PLPPR5: variants seen among roughly 807,000 people sequenced by gnomAD.
PLPPR5 encodes phospholipid phosphatase related 5, also known as phospholipid phosphatase-related protein type 5.
In PLPPR5, 16 loss-of-function variants were observed where a neutral mutation model predicts 33.9. That is an observed-to-expected ratio of 0.47 (90% CI 0.32 to 0.72). The LOEUF is 0.72. Ranked by LOEUF, PLPPR5 falls within the 30% of genes least tolerant of loss-of-function variation. The probability of loss-of-function intolerance (pLI) is 0.03; values close to 1 mark genes in which losing one functional copy is unlikely to be tolerated. For synonymous variants in PLPPR5, 163 were observed against 150.3 expected, an observed-to-expected ratio of 1.08 and a Z score of -0.62; for missense variants, 301 against 406.7, an observed-to-expected ratio of 0.74 and a Z score of 2.23.
At chr1:98,938,837 G>C (rs2101188450) in intron 3 of PLPPR5, among the ~76,000 whole-genome samples, 1 of 152,216 alleles carries the variant, frequency 6.6e-6, no homozygotes, top group Non-Finnish European at 1.5e-5. Flanking sequence ...AACATGGATG[G>C]AGCTGGTGGT....
intron 3 of PLPPR5, among the ~76,000 whole-genome samples, chr1:98,938,048 G>A (rs1012380955): frequency 6.6e-6 from 1 of 151,940 alleles, no homozygotes; most frequent in African/African-American, 2.4e-5. Flanking sequence ...TTCATCTGGA[G>A]AGTAAGCTCA....
At chr1:98,989,786 T>A (rs1652385727) in intron 1 of PLPPR5, among the ~76,000 whole-genome samples, 2 of 152,196 alleles carry the variant, frequency 1.3e-5, no homozygotes, top group African/African-American at 4.8e-5. Flanking sequence ...GAAGTGACTG[T>A]GAAATAACCA....
At chr1:98,919,080 C>T (rs2101157837) in intron 4 of PLPPR5, among the ~76,000 whole-genome samples, 1 of 152,200 alleles carries the variant, frequency 6.6e-6, no homozygotes, top group Admixed American at 6.5e-5. Flanking sequence ...TTGGAATATC[C>T]TTTGTAGAAA....
rs144730672 is a variant in PLPPR5, at chr1:98,964,055, C to T, written c.238-7314G>A. 4.4e-4 allele frequency among the ~76,000 whole-genome samples: 67 copies of T among 152,216 alleles called. No individual in the cohort carries two copies. The East Asian group carries it at 0.011, about 25-fold the overall frequency. ...AGGGGTTCTTAATTCTGGAATCACG[C>T]GCTACCATTTTCACTAGATTCCCAA... On this transcript the variant is annotated intron_variant, in intron 1 of 5. Transcript: ENST00000263177.
At chr1:98,991,735 G>A (rs1025024005) in intron 1 of PLPPR5, among the ~76,000 whole-genome samples, 5 of 152,216 alleles carry the variant, frequency 3.3e-5, no homozygotes, top group Non-Finnish European at 7.3e-5. Flanking sequence ...GGAAGGCGGA[G>A]CATCCCAATA....
chr1:98,946,158 T>C (rs1363642626), intron 3 of PLPPR5, among the ~76,000 whole-genome samples: 1 of 152,222 alleles, frequency 6.6e-6, no homozygotes, highest in East Asian at 1.9e-4. Context: ...AGATTCTGTG[T>C]TGATCTTCTT....
chr1:98,942,659 T>G (rs865798482), intron 3 of PLPPR5, among the ~76,000 whole-genome samples: 11 of 152,146 alleles, frequency 7.2e-5, no homozygotes, highest in African/African-American at 2.4e-4. Flanking sequence ...AAGTGATAGC[T>G]CTATCTGAAT....
At chr1:98,898,052 G>A (rs766372256) in intron 5 of PLPPR5, among the ~76,000 whole-genome samples, 6 of 152,018 alleles carry the variant, frequency 3.9e-5, no homozygotes, top group African/African-American at 1.4e-4. Context: ...CTATTCTACC[G>A]ATCTTCAATG....
At chr1:98,952,180 G>C (rs947632124) in intron 3 of PLPPR5, among the ~76,000 whole-genome samples, 2 of 151,388 alleles carry the variant, frequency 1.3e-5, no homozygotes, top group Non-Finnish European at 2.9e-5. Flanking sequence ...GGAGAATGGG[G>C]TGAACCTGGG....
At chr1:98,972,927 T>A (rs1651708073) in intron 1 of PLPPR5, among the ~76,000 whole-genome samples, 1 of 152,082 alleles carries the variant, frequency 6.6e-6, no homozygotes, top group African/African-American at 2.4e-5. Flanking sequence ...ATACTTTTTT[T>A]AAAGCTAGAC....
At chr1:98,958,070 G>A (rs1200782382) in intron 1 of PLPPR5, among the ~76,000 whole-genome samples, 4 of 152,190 alleles carry the variant, frequency 2.6e-5, no homozygotes, top group African/African-American at 9.6e-5. Context: ...CTAATACTAT[G>A]AACAACAGCA....
chr1:98,918,478 A>C (rs1649439657), intron 4 of PLPPR5, among the ~76,000 whole-genome samples: 1 of 152,204 alleles, frequency 6.6e-6, no homozygotes, highest in African/African-American at 2.4e-5. Context: ...AATAGTGTTC[A>C]AATAGTATTT....
intron 4 of PLPPR5, among the ~76,000 whole-genome samples, chr1:98,918,780 T>G (rs1649448891): frequency 6.6e-6 from 1 of 152,220 alleles, no homozygotes; most frequent in South Asian, 2.1e-4. Flanking sequence ...AGGCTTCACT[T>G]CTTACATGTG....
At chr1:98,993,640 A>T (rs1652534832) in intron 1 of PLPPR5, among the ~76,000 whole-genome samples, 1 of 152,054 alleles carries the variant, frequency 6.6e-6, no homozygotes, top group South Asian at 2.1e-4. Flanking sequence ...TTTAAATTAC[A>T]AGATGAATCC....
intron 1 of PLPPR5, among the ~76,000 whole-genome samples, chr1:98,959,150 C>G (rs1651133256): frequency 6.6e-6 from 1 of 152,236 alleles, no homozygotes; most frequent in Admixed American, 6.5e-5. Context: ...GATGAAGGAT[C>G]TATCCTGTAC....
rs370759952 is a variant in PLPPR5, at chr1:99,004,640, C to T, written c.32G>A (p.Ser11Asn). The T allele has an allele frequency of 1.2e-6, 2 of 1,612,268 alleles. No homozygotes were observed. Among genetic ancestry groups the T allele is most frequent in the African/African-American group, 1.3e-5 (1 of 74,870 alleles). The change falls in exon 1 of 6, where the codon AGC (serine) becomes AAC (asparagine). Residue 11 changes from serine (S) to asparagine (N), a missense_variant. Ser to Asn is a conservative substitution (Grantham distance 46). Transcript: ENST00000263177. ...GATCACCATCTGGAAATAGAGCATG[C>T]TGCTGGTGAGCGCCGCGGGCAGCAG... MPLLPAALTS[S>N]MLYFQMVIMA...
chr1:98,992,044 G>C (rs896840868), intron 1 of PLPPR5, among the ~76,000 whole-genome samples: 3 of 152,120 alleles, frequency 2.0e-5, no homozygotes, highest in African/African-American at 4.8e-5. Flanking sequence ...ATAAGATAAG[G>C]GAAAAATACA....
At position 98,890,493 on chromosome 1, in the gene PLPPR5, C is replaced by T. The variant is rs1442226093; in HGVS notation, c.*2579G>A. ...AAGTTATCACAGGAATCAGATAAAACATGTGCAGAATTTCTGCCATGCAAA... is the reference window on the plus strand; with the variant it reads ...AAGTTATCACAGGAATCAGATAAAATATGTGCAGAATTTCTGCCATGCAAA... On this transcript the variant is annotated 3_prime_UTR_variant, in exon 6 of 6. Transcript: ENST00000263177. The T allele has an allele frequency of 6.6e-6, 1 of 152,454 alleles. No homozygotes were observed. Among genetic ancestry groups the T allele is most frequent in the Admixed American group, 6.6e-5 (1 of 15,236 alleles). 9.4% of individuals were successfully genotyped at this position (152,454 alleles called of 1,614,324 possible).
chr1:98,949,607 T>C lies in PLPPR5; in HGVS notation c.621+3463A>G, dbSNP rs545342257. On this transcript the variant is annotated intron_variant, in intron 3 of 5. Coordinates refer to ENST00000263177, the MANE Select transcript of PLPPR5 (RefSeq NM_001037317.2). The stretch of plus-strand genomic sequence containing the variant: ...GTTTTCTATTTACTACCCATCAAAA[T>C]TCTGGCAAGCATTTCATGAGACTGC... Among the ~76,000 whole-genome samples the C allele has an allele frequency of 5.3e-5, 8 of 152,290 alleles. No homozygotes were observed. The East Asian group carries it at 1.5e-3, about 29-fold the overall frequency.
Sources: allele counts gnomAD v4.1 joint callset (sites outside exome capture counted in the v4.1 genomes callset), GRCh38; gene constraint gnomAD v4.1.1; transcripts MANE v1.5; gene names NCBI Gene and HGNC (gene_info 2026-07-23, HGNC 2026-07-21).